Variants in RBM27 observed in about 807,000 individuals in gnomAD.
The protein encoded by RBM27 is RNA-binding protein 27.
RBM27 carries 22 observed loss-of-function variants against 135.3 expected under a neutral mutation model. That is an observed-to-expected ratio of 0.16 (90% CI 0.12 to 0.23). The LOEUF (loss-of-function observed/expected upper bound fraction) is 0.23, where lower values mean the gene tolerates loss of function less well. Among genes scored for constraint, RBM27 ranks in the 10% least tolerant of loss-of-function variants. The probability of loss-of-function intolerance (pLI) is 1.00; values close to 1 mark genes in which losing one functional copy is unlikely to be tolerated. For synonymous variants in RBM27, 481 were observed against 442.4 expected (o/e 1.09, Z -1.10); for missense variants, 1,009 against 1,281.0 (o/e 0.79, Z 3.24).
At position 146,233,552 on chromosome 5, in the gene RBM27, C is replaced by G. The variant is rs1232690953; in HGVS notation, c.953C>G (p.Pro318Arg). ...CTGCCAAGTATGATTCCTTTCCCAC[C>G]CCCTCCTCCTGGGCTTCCTCCTCCA... ...VALPSMIPFP[P>R]PPPGLPPPPP... Residue 318 changes from proline (P) to arginine (R), a missense_variant, in exon 7 of 21, where the codon CCC becomes CGC. By Grantham distance (103) the Pro-to-Arg change is moderately radical. Transcript: ENST00000265271. 6.2e-7 allele frequency: 1 copy of G among 1,613,232 alleles called. No homozygotes were observed. Among genetic ancestry groups the G allele is most frequent in the East Asian group, 2.2e-5 (1 of 44,818 alleles).
At chr5:146,230,985 C>CAT in intron 6 of RBM27, 68 bp downstream of exon 6, 1 of 1,486,272 alleles carries the variant, frequency 6.7e-7, no homozygotes, top group Non-Finnish European at 9.2e-7. Context: ...GCATATATTG[C>CAT]ATATCTTTTA....
intron 6 of RBM27, among the ~76,000 whole-genome samples, chr5:146,233,041 C>A (rs1040703021): frequency 6.6e-6 from 1 of 152,160 alleles, no homozygotes; most frequent in Non-Finnish European, 1.5e-5. Context: ...ATAATGGTTG[C>A]TTTAGAATAA....
chr5:146,203,651 G>A lies in RBM27; in HGVS notation c.-115G>A, dbSNP rs1338156642. ...GGGGGAGTAGGTTGAAGTCTCCTAA[G>A]ATGCCCGGTGGGCTGGGGCACCGGG... On this transcript the variant is annotated 5_prime_UTR_variant, in exon 1 of 21. Coordinates refer to ENST00000265271, the MANE Select transcript of RBM27 (RefSeq NM_018989.2). The A allele has an allele frequency of 4.1e-6, 4 of 965,866 alleles. No homozygotes were observed. In the African/African-American group the frequency reaches 5.0e-5, roughly 12 times the overall value. The allele number at this position is 965,866 out of a possible 1,614,324, so 59.8% of individuals were successfully genotyped here. A position where few individuals can be genotyped will look rare whatever the true frequency, so the allele number is the denominator to read the frequency against.
chr5:146,251,917 T>G (rs773103166), intron 9 of RBM27, 42 bp downstream of exon 9: 11 of 1,594,304 alleles, frequency 6.9e-6, no homozygotes, highest in Admixed American at 3.3e-5. Flanking sequence ...ACTGATCTTT[T>G]TTACCTCAAG....
At chr5:146,228,425 G>T (rs1025170177) in intron 3 of RBM27, among the ~76,000 whole-genome samples, 1 of 151,274 alleles carries the variant, frequency 6.6e-6, no homozygotes, top group African/African-American at 2.4e-5. Context: ...GGGACTACAG[G>T]CACGTGCCAC....
At chr5:146,254,100 A>C (rs1758008897) in intron 9 of RBM27, among the ~76,000 whole-genome samples, 1 of 152,216 alleles carries the variant, frequency 6.6e-6, no homozygotes, top group Non-Finnish European at 1.5e-5. Context: ...GATATGATGG[A>C]TAACAGAGGA....
chr5:146,288,783 A>G lies in RBM27; in HGVS notation c.*2753A>G, dbSNP rs1759684657. On this transcript the variant is annotated 3_prime_UTR_variant, in exon 21 of 21. Transcript: ENST00000265271. ...CCCCAAGTATTGCAAAATTTCCCTC[A>G]ATTTCTTTATGTAACATTGAAGAAA... The G allele has an allele frequency of 6.6e-6, 1 of 152,034 alleles. No individual in the cohort carries two copies. The highest frequency in any genetic ancestry group is 1.5e-5 in the Non-Finnish European group (1 of 67,920). The allele number at this position is 152,034 out of a possible 1,614,324, so 9.4% of individuals were successfully genotyped here.
chr5:146,220,612 T>G (rs1756418050), intron 2 of RBM27, among the ~76,000 whole-genome samples: 1 of 151,974 alleles, frequency 6.6e-6, no homozygotes. Context: ...AAGTATTTAC[T>G]GAGAAGGAGA....
chr5:146,213,760 A>G (rs1354811901), intron 1 of RBM27, among the ~76,000 whole-genome samples: 2 of 152,216 alleles, frequency 1.3e-5, no homozygotes, highest in Non-Finnish European at 2.9e-5. Context: ...CGTGCAATAG[A>G]GATTTCATTA....
intron 20 of RBM27, among the ~76,000 whole-genome samples, chr5:146,285,390 T>C (rs1293894332): frequency 6.6e-6 from 1 of 152,056 alleles, no homozygotes; most frequent in Admixed American, 6.6e-5. Flanking sequence ...TATAGGTAAT[T>C]TTACACAGCA....
Position 146,260,805 on chromosome 5 carries a change from C to T in RBM27, c.1800C>T (p.Thr600=). The T allele has an allele frequency of 6.2e-7, 1 of 1,613,240 alleles. No homozygotes were observed. Among genetic ancestry groups the T allele is most frequent in the Non-Finnish European group, 8.5e-7 (1 of 1,179,528 alleles). ...TACGAAAGAATCAGTATACAAACAC[C>T]AAATTAGAAGTCAAGAAAATCCCTC... is the stretch of plus-strand genomic sequence containing the variant. ...GFLRKNQYTN[T]KLEVKKIPQE... Residue 600 remains threonine (T), a synonymous_variant, in exon 12 of 21, where the codon ACC becomes ACT. Transcript: ENST00000265271.
chr5:146,258,262 A>G (rs547034319), intron 10 of RBM27, among the ~76,000 whole-genome samples, 187 bp from the exon 11 acceptor site: 1 of 152,230 alleles, frequency 6.6e-6, no homozygotes, highest in African/African-American at 2.4e-5. Flanking sequence ...GTTAACTTTG[A>G]GTTTTGAAAC....
In RBM27 at chr5:146,276,772, AGGCCTGGCTTGGTGG is replaced by A. The variant is rs564175357; in HGVS notation, c.2988+5099_2988+5113del. Among the ~76,000 whole-genome samples, 298 of 152,280 alleles carry A rather than the reference AGGCCTGGCTTGGTGG, an allele frequency of 2.0e-3. 1 individual carries two copies. The highest frequency in any genetic ancestry group is 0.017 in the Middle Eastern group (5 of 294). ...TCAGACCTTGTTAAAAAAGTAATGT[AGGCCTGGCTTGGTGG>A]CACCTGCCTGTAATCCCAGCACTTT... On this transcript the variant is annotated intron_variant, in intron 19 of 20. Transcript: ENST00000265271.
chr5:146,249,506 T>C (rs1277419283), intron 8 of RBM27, among the ~76,000 whole-genome samples: 2 of 151,486 alleles, frequency 1.3e-5, no homozygotes, highest in Admixed American at 6.6e-5. Flanking sequence ...GGCAACATGG[T>C]GAAACCCCGT....
At chr5:146,279,624 A>G (rs1312232258) in intron 19 of RBM27, among the ~76,000 whole-genome samples, 1 of 152,052 alleles carries the variant, frequency 6.6e-6, no homozygotes, top group Non-Finnish European at 1.5e-5. Flanking sequence ...CCTGGCCAAC[A>G]TGGCAAAACC....
intron 10 of RBM27, among the ~76,000 whole-genome samples, chr5:146,257,127 A>C (rs1758138188): frequency 3.3e-5 from 5 of 152,240 alleles, no homozygotes; most frequent in Admixed American, 3.3e-4. Context: ...GCTAAACGTT[A>C]AGTGAATGAA....
intron 9 of RBM27, among the ~76,000 whole-genome samples, chr5:146,252,539 T>C (rs1757937738): frequency 6.6e-6 from 1 of 152,216 alleles, no homozygotes; most frequent in Non-Finnish European, 1.5e-5. Context: ...CTTTCTGCAG[T>C]CTTAACTGTA....
rs199702433 is a variant in RBM27 at position 146,222,103 on chromosome 5, CT to C, written c.179-1299del. On this transcript the variant is annotated intron_variant, in intron 2 of 20. Coordinates refer to ENST00000265271, the MANE Select transcript of RBM27 (RefSeq NM_018989.2). The stretch of plus-strand genomic sequence containing the variant: ...AATAATAATTATAAGTGAAAGTATT[CT>C]GATTATAGAGGCTTTTGAAGGGTCT... 8.9e-3 allele frequency among the ~76,000 whole-genome samples: 1,355 copies of C among 152,114 alleles called. 20 individuals carry two copies. The highest frequency in any genetic ancestry group is 0.031 in the African/African-American group (1,289 of 41,510).
chr5:146,284,241 C>CTT (rs1283290866), intron 19 of RBM27, among the ~76,000 whole-genome samples: 1 of 151,968 alleles, frequency 6.6e-6, no homozygotes, highest in Admixed American at 6.6e-5. Flanking sequence ...GATGATTCAC[C>CTT]TTTTTTCTAA....
Sources: allele counts gnomAD v4.1 joint callset (sites outside exome capture counted in the v4.1 genomes callset), GRCh38; gene constraint gnomAD v4.1.1; transcripts MANE v1.5; gene names NCBI Gene and HGNC (gene_info 2026-07-23, HGNC 2026-07-21).